The following ESPN variants were observed in gnomAD, a reference collection of about 807,000 sequenced individuals.
ESPN encodes the protein autosomal recessive deafness type 36 protein.
Under a neutral mutation model 77.7 loss-of-function variants are expected in ESPN, and 68 were observed. The observed-to-expected ratio is 0.87, with a 90% CI of 0.72 to 1.07. The LOEUF (loss-of-function observed/expected upper bound fraction) is 1.07. Among genes scored for constraint, ESPN ranks in the 50% least tolerant of loss-of-function variants. The pLI is 0.00. For missense variants in ESPN, 1,060 were observed against 1,239.0 expected (o/e 0.86, Z 2.17); for synonymous variants, 449 against 567.1 (o/e 0.79, Z 2.96).
chr1:6,448,286 G>A (rs1384056026), intron 7 of ESPN, among the ~76,000 whole-genome samples: 1 of 152,158 alleles, frequency 6.6e-6, no homozygotes, highest in Admixed American at 6.5e-5. Flanking sequence ...GTGCGGCCGA[G>A]GGCCTAGTGA....
chr1:6,445,573 G>A (rs1643798101), intron 6 of ESPN, 91 bp from the exon 7 acceptor site: 3 of 1,461,650 alleles, frequency 2.1e-6, no homozygotes, highest in East Asian at 4.8e-5. Flanking sequence ...TTGCCCCTCG[G>A]CAAGTTGTTT....
chr1:6,454,250 C>T (rs970260399), intron 10 of ESPN, among the ~76,000 whole-genome samples: 6 of 152,170 alleles, frequency 3.9e-5, no homozygotes, highest in Non-Finnish European at 8.8e-5. Context: ...CCTGGAGCGG[C>T]GGCTCAGGCC....
At chr1:6,440,204 C>A in intron 2 of ESPN, 50 bp from the exon 3 acceptor site, 1 of 1,531,442 alleles carries the variant, frequency 6.5e-7, no homozygotes, top group South Asian at 1.2e-5. Context: ...AAGAAGGCCT[C>A]GGAGGGGGTG....
At chr1:6,459,950 T>TATC (rs1164520857) in intron 12 of ESPN, 49 bp from the exon 13 acceptor site, 3 of 1,610,306 alleles carry the variant, frequency 1.9e-6, no homozygotes, top group Admixed American at 3.3e-5. Flanking sequence ...CCAGCCTGGG[T>TATC]ATCTGGCCCC....
In ESPN at chr1:6,451,995, A is replaced by C. The variant is rs1303189650; in HGVS notation, c.2224A>C (p.Thr742Pro). The change falls in exon 10 of 13, where the codon ACG becomes CCG. Residue 742 changes from threonine to proline, a missense_variant. Physicochemically the swap from Thr to Pro is conservative, Grantham distance 38. This residue lies in a region of ESPN where 374 missense variants were observed against 381.4 expected (regional missense o/e 0.98). Coordinates refer to ENST00000645284, the MANE Select transcript of ESPN (RefSeq NM_031475.3). This position sits in a 1 kb window ranked among gnomAD's most constrained non-coding sequence, Gnocchi z 4.3. Reference sequence around the variant, plus strand: ...GCTGGACGTGGAGGCTCTCATCCCCACGCACGATGAGCAGGGCCGGCCCAT... The same window carrying C: ...GCTGGACGTGGAGGCTCTCATCCCCCCGCACGATGAGCAGGGCCGGCCCAT... ...VQLDVEALIP[T>P]HDEQGRPIPE... is the part of the protein sequence containing the mutation. The C allele has an allele frequency of 6.2e-7, 1 of 1,606,814 alleles. No individual in the cohort carries two copies. The highest frequency in any genetic ancestry group is 2.2e-5 in the East Asian group (1 of 44,572).
At chr1:6,454,925 G>A (rs1400256715) in intron 10 of ESPN, 1 of 386,116 alleles carries the variant, frequency 2.6e-6, no homozygotes, top group Admixed American at 4.5e-5. Flanking sequence ...AGGCTGTGGC[G>A]CGCGAGATCC....
Position 6,451,685 on chromosome 1 carries a change from G to T in ESPN, c.1998G>T (p.Lys666Asn). The T allele has an allele frequency of 1.2e-6, 2 of 1,613,200 alleles. No homozygotes were observed. The highest frequency in any genetic ancestry group is 1.7e-6 in the Non-Finnish European group (2 of 1,179,950). Residue 666 changes from lysine (K) to asparagine (N), a missense_variant, in exon 9 of 13, where the codon AAG (lysine) becomes AAT (asparagine). By Grantham distance (94) the Lys-to-Asn change is moderately conservative. Coordinates refer to ENST00000645284, the MANE Select transcript of ESPN (RefSeq NM_031475.3). This position sits in a 1 kb window ranked among gnomAD's most constrained non-coding sequence, Gnocchi z 4.3. ...AGATTAAGGCAGGCAAGAGCCTGAA[G>T]CCGACGCCCCAGAGCAAGGGGCTGA... ...LAEIKAGKSL[K>N]PTPQSKGLTT...
At chr1:6,455,518 G>A in intron 10 of ESPN, 1 of 398,154 alleles carries the variant, frequency 2.5e-6, no homozygotes, top group Non-Finnish European at 4.4e-6. Flanking sequence ...CTGGGCCACT[G>A]GCGGAGCCTG....
chr1:6,433,811 GC>G (rs1643338014), intron 2 of ESPN, among the ~76,000 whole-genome samples: 1 of 152,068 alleles, frequency 6.6e-6, no homozygotes, highest in South Asian at 2.1e-4. Context: ...CCAAGTCTTT[GC>G]CCAGACCTCA....
At chr1:6,432,155 C>A (rs531351643) in intron 2 of ESPN, among the ~76,000 whole-genome samples, 1 of 152,192 alleles carries the variant, frequency 6.6e-6, no homozygotes, top group Non-Finnish European at 1.5e-5. Context: ...AGGCAGCCCC[C>A]ACCTGGGACA....
In ESPN at chr1:6,428,111, A is replaced by G. The variant is rs1569572747; in HGVS notation, c.295-115A>G. 3.5e-6 allele frequency: 4 copies of G among 1,158,166 alleles called. No individual in the cohort carries two copies. Among genetic ancestry groups the G allele is most frequent in the East Asian group, 4.8e-5 (2 of 42,064 alleles). The allele number at this position is 1,158,166 out of a possible 1,614,324, so 71.7% of individuals were successfully genotyped here. On this transcript the variant is annotated intron_variant, in intron 1 of 12. Transcript: ENST00000645284. The surrounding 1 kb of genome is among the most constrained non-coding windows in gnomAD (Gnocchi z 5.4). ...TGAATGAGGCCTGGCCAATCCCTCC[A>G]GGGAAGACAGAGAGCACAGAGCTAC...
At chr1:6,458,670 C>T in intron 12 of ESPN, among the ~76,000 whole-genome samples, 1 of 151,668 alleles carries the variant, frequency 6.6e-6, no homozygotes, top group Non-Finnish European at 1.5e-5. Flanking sequence ...GTGGCTCATA[C>T]CTGTAATCCC....
chr1:6,444,111 GGCCTGT>G (rs1643741005), intron 5 of ESPN, among the ~76,000 whole-genome samples: 1 of 152,220 alleles, frequency 6.6e-6, no homozygotes, highest in African/African-American at 2.4e-5. Context: ...ACTAGGGATG[GGCCTGT>G]GCTGTGCGCC....
downstream of ESPN, chr1:6,461,053 C>T: frequency 2.2e-6 from 1 of 456,090 alleles, no homozygotes; most frequent in Admixed American, 2.5e-5. The surrounding 1 kb of genome is among the most constrained non-coding windows in gnomAD (Gnocchi z 6.3). Flanking sequence ...ACCATGGGTG[C>T]CAGATCCCGG....
rs1211164229 is a variant in ESPN at position 6,440,796 on chromosome 1, C to G, written c.846C>G (p.Asn282Lys). 10 of 1,508,392 alleles carry G rather than the reference C, an allele frequency of 6.6e-6. 1 individual carries two copies. In the Admixed American group the frequency reaches 1.9e-4, roughly 29 times the overall value. 93.4% of individuals were successfully genotyped at this position (1,508,392 alleles called of 1,614,324 possible). A position where few individuals can be genotyped will look rare whatever the true frequency, so the allele number is the denominator to read the frequency against. ...CCCCGCTGCACGACGCCGCCGAGAA[C>G]GGGGAGCTAGAGGTCAGCGCGGGCC... Reference protein sequence around the residue: ...GGTPLHDAAENGELECCQILV... With the variant: ...GGTPLHDAAEKGELECCQILV... Residue 282 changes from asparagine (N) to lysine (K), a missense_variant, in exon 4 of 13, where the codon AAC (asparagine) becomes AAG (lysine). Transcript: ENST00000645284.
intron 1 of ESPN, among the ~76,000 whole-genome samples, chr1:6,426,972 G>A (rs1643059639): frequency 6.6e-6 from 1 of 151,812 alleles, no homozygotes; most frequent in African/African-American, 2.4e-5. Flanking sequence ...CCCCCACCCC[G>A]CAGGCTGCCT....
chr1:6,449,703 G>A lies in ESPN; in HGVS notation c.1915+612G>A, dbSNP rs112193538. Reference sequence around the variant, plus strand: ...TATGGGGGCAAAGCTGTGACCCACCGTGTTTCCCCCTCCCTCCCCGGTGAC... The same window carrying A: ...TATGGGGGCAAAGCTGTGACCCACCATGTTTCCCCCTCCCTCCCCGGTGAC... On this transcript the variant is annotated intron_variant, in intron 8 of 12. Coordinates refer to ENST00000645284, the MANE Select transcript of ESPN (RefSeq NM_031475.3). 3.9e-4 allele frequency among the ~76,000 whole-genome samples: 59 copies of A among 152,326 alleles called. No homozygotes were observed. The East Asian group carries it at 6.8e-3, about 17-fold the overall frequency.
At chr1:6,433,440 T>A (rs1643323504) in intron 2 of ESPN, among the ~76,000 whole-genome samples, 1 of 151,770 alleles carries the variant, frequency 6.6e-6, no homozygotes, top group Non-Finnish European at 1.5e-5. Context: ...CAAGACTCCA[T>A]CTCAGGAGGA....
In ESPN at chr1:6,449,018, G is replaced by T. The variant is rs960725877; in HGVS notation, c.1842G>T (p.Pro614=). Residue 614 remains proline, a synonymous_variant, in exon 8 of 13, where the codon CCG becomes CCT. Coordinates refer to ENST00000645284, the MANE Select transcript of ESPN (RefSeq NM_031475.3). ...PPLPEAASSP[P]PAPPLPLESA... ...TGCCGGAGGCCGCGAGTTCGCCACC[G>T]CCGGCCCCGCCTCTGCCCCTCGAGA... is the stretch of plus-strand genomic sequence containing the variant. 1 of 1,461,914 alleles carries T rather than the reference G, an allele frequency of 6.8e-7. No individual in the cohort carries two copies. The highest frequency in any genetic ancestry group is 9.0e-7 in the Non-Finnish European group (1 of 1,113,344). The allele number at this position is 1,461,914 out of a possible 1,614,324, so 90.6% of individuals were successfully genotyped here. A position where few individuals can be genotyped will look rare whatever the true frequency, so the allele number is the denominator to read the frequency against.
Sources: gnomAD v4.1 joint callset for allele counts (sites outside exome capture counted in the v4.1 genomes callset) on GRCh38, gnomAD v4.1.1 for gene constraint, gnomAD v4.1.1 regional missense constraint, Gnocchi (gnomAD v3.1) non-coding constraint, MANE v1.5 for transcripts, NCBI Gene and HGNC (gene_info 2026-07-23, HGNC 2026-07-21) for gene names.